Variants in SLC4A7 observed in about 807,000 individuals in gnomAD.
SLC4A7 encodes the protein solute carrier family 4 member 7.
In SLC4A7, 51 loss-of-function variants were observed where a neutral mutation model predicts 137.6. The observed-to-expected ratio is 0.37, with a 90% CI of 0.30 to 0.47. The LOEUF is 0.47. SLC4A7 is among the 20% of genes least tolerant of loss of function. The pLI is 1.00. For synonymous variants in SLC4A7, 542 were observed against 518.6 expected (o/e 1.05, Z -0.61); for missense variants, 1,247 against 1,525.4 (o/e 0.82, Z 3.04).
chr3:27,394,471 TA>T (rs2051931751), intron 20 of SLC4A7, 46 bp downstream of exon 20: 1 of 1,508,352 alleles, frequency 6.6e-7, no homozygotes, highest in Non-Finnish European at 9.1e-7. Flanking sequence ...TAACTAAGTA[TA>T]AATGTTATAA....
chr3:27,391,822 G>A lies in SLC4A7; in HGVS notation c.3118-14C>T. 6.6e-7 allele frequency: 1 copy of A among 1,512,124 alleles called. No individual in the cohort carries two copies. Among genetic ancestry groups the A allele is most frequent in the Non-Finnish European group, 9.1e-7 (1 of 1,097,308 alleles). 93.7% of individuals were successfully genotyped at this position (1,512,124 alleles called of 1,614,324 possible). ...CATTGGAATAAACTGTAAATAAAATGAACACAATTAGAACTCATGAGTAGT... is the reference window on the plus strand; with the variant it reads ...CATTGGAATAAACTGTAAATAAAATAAACACAATTAGAACTCATGAGTAGT... On this transcript the variant is annotated splice_polypyrimidine_tract_variant and intron_variant, in intron 20 of 25. Coordinates refer to ENST00000454389, the MANE Select transcript of SLC4A7 (RefSeq NM_001321103.2).
chr3:27,394,495 A>G lies in SLC4A7; in HGVS notation c.3117+23T>C. ...ATAAATGTTATAATAAGATTGTAAA[A>G]CACGGCAATAAAGAAATTTTACCTT... is the stretch of plus-strand genomic sequence containing the variant. On this transcript the variant is annotated intron_variant, in intron 20 of 25. Transcript: ENST00000454389. 3 of 1,596,678 alleles carry G rather than the reference A, an allele frequency of 1.9e-6. No individual in the cohort carries two copies. In the African/African-American group the frequency reaches 4.0e-5, roughly 22 times the overall value.
At chr3:27,423,954 A>G (rs759949603) in intron 8 of SLC4A7, 83 bp downstream of exon 8, 17 of 801,474 alleles carry the variant, frequency 2.1e-5, no homozygotes, top group Non-Finnish European at 3.3e-5. Flanking sequence ...ACTATCATCA[A>G]TGTTAATAAT....
chr3:27,478,244 G>A (rs2150744552), intron 1 of SLC4A7, among the ~76,000 whole-genome samples: 2 of 152,172 alleles, frequency 1.3e-5, no homozygotes, highest in Middle Eastern at 6.8e-3. Context: ...CGGGCAGGGT[G>A]CGGTGGCTCA....
At chr3:27,452,390 G>C in intron 2 of SLC4A7, 27 bp downstream of exon 2, 1 of 1,409,636 alleles carries the variant, frequency 7.1e-7, no homozygotes, top group Non-Finnish European at 9.9e-7. Flanking sequence ...CCTACTAAGC[G>C]AAGTAAGTTA....
chr3:27,479,712 G>A (rs1042085824), intron 1 of SLC4A7, among the ~76,000 whole-genome samples: 1 of 152,110 alleles, frequency 6.6e-6, no homozygotes, highest in Admixed American at 6.6e-5. Flanking sequence ...TGAAAATAGA[G>A]GTAAAATTCA....
chr3:27,385,825 T>C, intron 23 of SLC4A7, 67 bp downstream of exon 23: 2 of 1,053,394 alleles, frequency 1.9e-6, no homozygotes. Context: ...ATTATAATGG[T>C]GCCTGCAATA....
In SLC4A7 at chr3:27,431,404, G is replaced by A; in HGVS notation, c.1044C>T (p.Ala348=). 2 of 1,614,058 alleles carry A rather than the reference G, an allele frequency of 1.2e-6. No individual in the cohort carries two copies. Among genetic ancestry groups the A allele is most frequent in the Non-Finnish European group, 1.7e-6 (2 of 1,179,958 alleles). The change falls in exon 7 of 26, where the codon GCC becomes GCT. Residue 348 remains alanine (A), a synonymous_variant. Coordinates refer to ENST00000454389, the MANE Select transcript of SLC4A7 (RefSeq NM_001321103.2). The part of the protein sequence containing the change: ...RQAPELLVSP[A]SDDIPTVVIH... Reference sequence around the variant, plus strand: ...TTACTACTGTGGGAATATCATCACTGGCAGGTGAAACCAGTAGTTCTGGGG... The same window carrying A: ...TTACTACTGTGGGAATATCATCACTAGCAGGTGAAACCAGTAGTTCTGGGG...
At chr3:27,392,276 C>T (rs527427633) in intron 20 of SLC4A7, among the ~76,000 whole-genome samples, 33 of 152,242 alleles carry the variant, frequency 2.2e-4, no homozygotes, top group African/African-American at 7.7e-4. Flanking sequence ...AAAATAAAAT[C>T]CTTACTACTT....
intron 7 of SLC4A7, among the ~76,000 whole-genome samples, chr3:27,425,957 G>C (rs928061837): frequency 6.6e-6 from 1 of 152,110 alleles, no homozygotes; most frequent in South Asian, 2.1e-4. Context: ...AATCTGTTTT[G>C]TGGTTAGATT....
intron 16 of SLC4A7, among the ~76,000 whole-genome samples, chr3:27,399,351 T>C (rs757460575): frequency 3.9e-5 from 6 of 152,246 alleles, no homozygotes; most frequent in East Asian, 1.9e-4. Flanking sequence ...ATCACTTTCA[T>C]TTGAACACCT....
At chr3:27,472,172 G>A (rs656781) in intron 1 of SLC4A7, among the ~76,000 whole-genome samples, 140,884 of 152,320 alleles carry the variant, frequency 0.92, 65,280 homozygotes, top group East Asian at 1. Context: ...CTCATTTATT[G>A]ACCTTTTAAG....
chr3:27,388,690 T>C (rs1006528130), intron 22 of SLC4A7, among the ~76,000 whole-genome samples: 4 of 152,170 alleles, frequency 2.6e-5, no homozygotes, highest in African/African-American at 4.8e-5. Context: ...AATGTTTTTT[T>C]ACAGATAAAC....
intron 22 of SLC4A7, among the ~76,000 whole-genome samples, chr3:27,389,487 T>C (rs1479115752): frequency 1.3e-5 from 2 of 152,174 alleles, no homozygotes; most frequent in Non-Finnish European, 2.9e-5. Flanking sequence ...AAATGCAATA[T>C]TCTGTGATAA....
Position 27,376,799 on chromosome 3 carries a change from T to C in SLC4A7, c.3745A>G (p.Arg1249Gly), listed in dbSNP as rs1464157703. The C allele has an allele frequency of 1.2e-6, 2 of 1,600,546 alleles. No individual in the cohort carries two copies. The highest frequency in any genetic ancestry group is 1.7e-5 in the Admixed American group (1 of 59,238). The change falls in exon 26 of 26, where the codon AGA becomes GGA. Residue 1249 changes from arginine (R) to glycine (G), a missense_variant. Arg to Gly is a moderately radical substitution (Grantham distance 125). Around this residue, in one of 6 missense-constraint regions of SLC4A7, gnomAD observed 290 missense variants for 323.8 expected, o/e 0.90. Transcript: ENST00000454389. Reference protein sequence around the residue: ...SVKISFEDEPRKKYVDAETSL With the variant: ...SVKISFEDEPGKKYVDAETSL The stretch of plus-strand genomic sequence containing the variant: ...GTTTCAGCATCCACGTATTTCTTTC[T>C]TGGTTCATCTTCAAAACTTATTTTC...
At chr3:27,423,429 C>A (rs2055200501) in intron 8 of SLC4A7, among the ~76,000 whole-genome samples, 1 of 152,138 alleles carries the variant, frequency 6.6e-6, no homozygotes, top group Non-Finnish European at 1.5e-5. Context: ...ACAATTTGAA[C>A]TTAGTAGTCT....
At chr3:27,425,674 C>G (rs1421380565) in intron 7 of SLC4A7, among the ~76,000 whole-genome samples, 80 of 42,768 alleles carry the variant, frequency 1.9e-3, no homozygotes, top group African/African-American at 5.5e-3. Flanking sequence ...AAAACTCTGT[C>G]TCAAAAAAAA....
intron 10 of SLC4A7, among the ~76,000 whole-genome samples, chr3:27,419,817 A>T (rs2150288413): frequency 6.6e-6 from 1 of 152,246 alleles, no homozygotes; most frequent in South Asian, 2.1e-4. Context: ...GGCAGTAGAG[A>T]TGGAAAGAAT....
chr3:27,484,177 T>A lies in SLC4A7; in HGVS notation c.-51A>T, dbSNP rs560455814. On this transcript the variant is annotated 5_prime_UTR_variant, in exon 1 of 26. Coordinates refer to ENST00000454389, the MANE Select transcript of SLC4A7 (RefSeq NM_001321103.2). ...CGCTACGGTACTGCCCCGCGCGGTC[T>A]GCCTGCTTCTGCCGCTGCCCCTGCC... The A allele has an allele frequency of 8.1e-7, 1 of 1,227,298 alleles. No homozygotes were observed. The highest frequency in any genetic ancestry group is 1.0e-6 in the Non-Finnish European group (1 of 977,740). The allele number at this position is 1,227,298 out of a possible 1,614,324, so 76.0% of individuals were successfully genotyped here.
Sources: allele counts gnomAD v4.1 joint callset (sites outside exome capture counted in the v4.1 genomes callset), GRCh38; gene constraint gnomAD v4.1.1; regional missense constraint gnomAD v4.1.1; transcripts MANE v1.5; gene names NCBI Gene and HGNC (gene_info 2026-07-23, HGNC 2026-07-21).